Variants in GRIK2 observed in about 807,000 individuals in gnomAD.
GRIK2 encodes glutamate ionotropic receptor kainate type subunit 2.
A neutral mutation model predicts 100.3 loss-of-function variants in GRIK2; 32 were observed. The observed-to-expected ratio is 0.32, with a 90% confidence interval of 0.24 to 0.43. The LOEUF (loss-of-function observed/expected upper bound fraction) is 0.43, where lower values mean the gene tolerates loss of function less well. Ranked by LOEUF, GRIK2 falls within the 20% of genes least tolerant of loss-of-function variation. The probability of loss-of-function intolerance (pLI) is 1.00; values close to 1 mark genes in which losing one functional copy is unlikely to be tolerated. For missense variants in GRIK2, 843 were observed against 1,114.9 expected (o/e 0.76, Z 3.47); for synonymous variants, 417 against 389.4 (o/e 1.07, Z -0.83).
intron 2 of GRIK2, among the ~76,000 whole-genome samples, chr6:101,494,940 A>G (rs1195056055): frequency 1.4e-5 from 2 of 143,088 alleles, no homozygotes; most frequent in Non-Finnish European, 3.0e-5. Context: ...AAATAAATAA[A>G]TGAAATAAAA....
intron 2 of GRIK2, among the ~76,000 whole-genome samples, chr6:101,533,120 C>T (rs1424832236): frequency 6.6e-6 from 1 of 151,940 alleles, no homozygotes. Context: ...TGCTTATCAT[C>T]TATAATCAGA....
chr6:101,595,905 C>T (rs1384840077), intron 2 of GRIK2, among the ~76,000 whole-genome samples: 3 of 150,442 alleles, frequency 2.0e-5, no homozygotes, highest in Non-Finnish European at 4.4e-5. Flanking sequence ...GTGTTTTATA[C>T]CCTTTTATTT....
chr6:101,909,972 G>A (rs1788557144), intron 12 of GRIK2, among the ~76,000 whole-genome samples: 1 of 142,846 alleles, frequency 7.0e-6, no homozygotes, highest in Non-Finnish European at 1.5e-5. Flanking sequence ...TATGAGTTTT[G>A]AGAACAGATA....
rs371660721 is a variant in GRIK2, at chr6:101,619,646, T to C, written c.116-2303T>C. ...AGCAAGAAACCACTTAAGGCTTGCA[T>C]TTCTATAATTTTCTCTTTATTTCTA... On this transcript the variant is annotated intron_variant, in intron 2 of 16. Coordinates refer to ENST00000369134, the MANE Select transcript of GRIK2 (RefSeq NM_021956.5). 1.4e-4 allele frequency among the ~76,000 whole-genome samples: 21 copies of C among 152,042 alleles called. No homozygotes were observed. In the South Asian group the frequency reaches 3.3e-3, roughly 24 times the overall value.
At chr6:101,889,947 T>G in intron 12 of GRIK2, 84 bp downstream of exon 12, 1 of 791,038 alleles carries the variant, frequency 1.3e-6, no homozygotes, top group East Asian at 2.4e-5. Context: ...CAATCAATTT[T>G]ACTTTTTCTG....
At chr6:101,548,506 A>G (rs1776357367) in intron 2 of GRIK2, among the ~76,000 whole-genome samples, 1 of 152,168 alleles carries the variant, frequency 6.6e-6, no homozygotes, top group Admixed American at 6.5e-5. Flanking sequence ...TATAAGGTGT[A>G]AGGAAGGGGT....
chr6:101,457,085 T>C (rs190089934), intron 2 of GRIK2, among the ~76,000 whole-genome samples: 22 of 152,288 alleles, frequency 1.4e-4, no homozygotes, highest in Admixed American at 1.3e-3. Context: ...TATATGCTTA[T>C]GCTTAGGCAA....
chr6:101,922,637 T>G (rs1789632429), intron 12 of GRIK2, among the ~76,000 whole-genome samples: 1 of 152,156 alleles, frequency 6.6e-6, no homozygotes, highest in Non-Finnish European at 1.5e-5. Flanking sequence ...ATACAATCCT[T>G]TAGAATACGC....
chr6:102,005,076 T>G (rs1027517401), intron 14 of GRIK2, among the ~76,000 whole-genome samples: 2 of 151,590 alleles, frequency 1.3e-5, no homozygotes, highest in African/African-American at 4.8e-5. Flanking sequence ...TACTCCTGAA[T>G]TTTTAATCTT....
At chr6:101,626,855 A>AT (rs1284415885) in intron 4 of GRIK2, among the ~76,000 whole-genome samples, 2 of 151,990 alleles carry the variant, frequency 1.3e-5, no homozygotes, top group Non-Finnish European at 2.9e-5. Context: ...TAAAATAAGC[A>AT]TTTTTTTATT....
intron 2 of GRIK2, among the ~76,000 whole-genome samples, chr6:101,450,351 C>T (rs1379521938): frequency 6.6e-6 from 1 of 151,538 alleles, no homozygotes; most frequent in East Asian, 1.9e-4. Flanking sequence ...AACCTTATTA[C>T]AATATTGTAC....
intron 16 of GRIK2, among the ~76,000 whole-genome samples, chr6:102,067,666 A>G (rs554961906): frequency 6.6e-6 from 1 of 151,972 alleles, no homozygotes; most frequent in South Asian, 2.1e-4. Context: ...CATTTGATAA[A>G]TTATCAGCTC....
At chr6:101,730,078 A>G (rs969956802) in intron 7 of GRIK2, among the ~76,000 whole-genome samples, 6 of 152,062 alleles carry the variant, frequency 3.9e-5, no homozygotes, top group Admixed American at 1.3e-4. Flanking sequence ...ATAAGAATGA[A>G]CCAGGCTGTC....
rs562139423 is a variant in GRIK2, at chr6:101,996,808, A to C, written c.2086-38533A>C. Reference sequence around the variant, plus strand: ...GCTTGGCCGTGGGTTTGTTATATTGAATCACTACTTAGAAACTTAGTTTCC... The same window carrying C: ...GCTTGGCCGTGGGTTTGTTATATTGCATCACTACTTAGAAACTTAGTTTCC... On this transcript the variant is annotated intron_variant, in intron 14 of 16. Coordinates refer to ENST00000369134, the MANE Select transcript of GRIK2 (RefSeq NM_021956.5). Among the ~76,000 whole-genome samples, 9 of 152,192 alleles carry C rather than the reference A, an allele frequency of 5.9e-5. No homozygotes were observed. The South Asian group carries it at 1.2e-3, about 21-fold the overall frequency.
intron 7 of GRIK2, among the ~76,000 whole-genome samples, chr6:101,730,194 A>G (rs1775162436): frequency 6.6e-6 from 1 of 151,990 alleles, no homozygotes; most frequent in Non-Finnish European, 1.5e-5. Flanking sequence ...GGCAGTAAAT[A>G]ATTTTCTGTA....
At chr6:101,726,620 A>G (rs1162110817) in intron 7 of GRIK2, among the ~76,000 whole-genome samples, 1 of 152,014 alleles carries the variant, frequency 6.6e-6, no homozygotes, top group African/African-American at 2.4e-5. Flanking sequence ...CCAAAGTAAC[A>G]TACTGTCAAA....
chr6:102,029,655 T>C (rs1243924145), intron 14 of GRIK2, among the ~76,000 whole-genome samples: 1 of 151,266 alleles, frequency 6.6e-6, no homozygotes, highest in African/African-American at 2.4e-5. Flanking sequence ...TATGACCCCA[T>C]GGGTGTTTAA....
chr6:101,864,221 T>G (rs563120574), intron 11 of GRIK2, among the ~76,000 whole-genome samples: 1 of 151,848 alleles, frequency 6.6e-6, no homozygotes, highest in Admixed American at 6.6e-5. Flanking sequence ...CTTCTTTAAC[T>G]TAGTTAAATA....
At chr6:101,460,546 T>G (rs527419319) in intron 2 of GRIK2, among the ~76,000 whole-genome samples, 3 of 152,354 alleles carry the variant, frequency 2.0e-5, no homozygotes, top group Admixed American at 1.3e-4. Flanking sequence ...GAATAGTCCT[T>G]TGCAGTTTGG....
Sources: gnomAD v4.1 joint callset for allele counts (sites outside exome capture counted in the v4.1 genomes callset) on GRCh38, gnomAD v4.1.1 for gene constraint, MANE v1.5 for transcripts, NCBI Gene and HGNC (gene_info 2026-07-23, HGNC 2026-07-21) for gene names.